Variants in ASAP2 observed in about 807,000 individuals in gnomAD.
ASAP2 encodes the protein ArfGAP with SH3 domain, ankyrin repeat and PH domain 2.
Under a neutral mutation model 131.4 loss-of-function variants are expected in ASAP2, and 45 were observed. The observed-to-expected ratio is 0.34, with a 90% CI of 0.27 to 0.44. The LOEUF (loss-of-function observed/expected upper bound fraction) is 0.44, where lower values mean the gene tolerates loss of function less well. Among genes scored for constraint, ASAP2 ranks in the 20% least tolerant of loss-of-function variants. The pLI is 1.00. For missense variants in ASAP2, 1,011 were observed against 1,297.0 expected, an observed-to-expected ratio of 0.78 and a Z score of 3.39; for synonymous variants, 510 against 503.0, an observed-to-expected ratio of 1.01 and a Z score of -0.19.
intron 1 of ASAP2, among the ~76,000 whole-genome samples, chr2:9,234,105 T>A: frequency 9.8e-6 from 1 of 102,554 alleles, no homozygotes; most frequent in Non-Finnish European, 1.9e-5. Context: ...AGCGAAGCTA[T>A]GTCTCAAAAA....
chr2:9,349,957 C>T lies in ASAP2; in HGVS notation c.1024-851C>T, dbSNP rs147791391. ...AAGAACGATGGAAGTTTAAGACATT[C>T]TTATTTGATCTTTCCTTTAGCAGCT... On this transcript the variant is annotated intron_variant, in intron 11 of 27. Coordinates refer to ENST00000281419, the MANE Select transcript of ASAP2 (RefSeq NM_003887.3). Among the ~76,000 whole-genome samples, 3 of 152,264 alleles carry T rather than the reference C, an allele frequency of 2.0e-5. No homozygotes were observed. The East Asian group carries it at 5.8e-4, about 29-fold the overall frequency.
chr2:9,292,623 C>T (rs955574443), intron 2 of ASAP2, among the ~76,000 whole-genome samples: 1 of 152,216 alleles, frequency 6.6e-6, no homozygotes, highest in South Asian at 2.1e-4. Context: ...TTTCTGTGAT[C>T]TGCTCCTTCT....
chr2:9,393,335 G>T, intron 23 of ASAP2, 147 bp from the exon 24 acceptor site: 2 of 738,444 alleles, frequency 2.7e-6, no homozygotes, highest in Non-Finnish European at 4.1e-6. Flanking sequence ...ATGGTTTTCT[G>T]AAAACTGGCA....
intron 15 of ASAP2, among the ~76,000 whole-genome samples, chr2:9,359,712 T>C (rs963972964): frequency 1.3e-5 from 2 of 152,238 alleles, no homozygotes; most frequent in East Asian, 1.9e-4. Context: ...TTGTGGACCA[T>C]GTTCCTCTCA....
chr2:9,237,443 G>C (rs368558485), intron 1 of ASAP2, among the ~76,000 whole-genome samples: 6 of 128,718 alleles, frequency 4.7e-5, no homozygotes, highest in African/African-American at 1.8e-4. Flanking sequence ...ACAGATTCTT[G>C]CTTTGTTGCC....
intron 22 of ASAP2, 106 bp from the exon 23 acceptor site, chr2:9,390,956 T>G: frequency 6.4e-7 from 1 of 1,562,010 alleles, no homozygotes; most frequent in Non-Finnish European, 8.7e-7. Context: ...TACTGACCGT[T>G]TCATAAGGGG....
chr2:9,388,585 G>T (rs927276457), intron 22 of ASAP2, 39 bp downstream of exon 22: 4 of 1,581,332 alleles, frequency 2.5e-6, no homozygotes, highest in East Asian at 4.5e-5. Context: ...TATATAGAGG[G>T]TCTTGTTTTG....
intron 2 of ASAP2, among the ~76,000 whole-genome samples, chr2:9,296,540 T>C (rs1462542251): frequency 6.6e-6 from 1 of 152,282 alleles, no homozygotes. Flanking sequence ...GGTATGTTTT[T>C]TCTGCTCAAA....
chr2:9,241,817 G>T (rs1206204820), intron 1 of ASAP2, among the ~76,000 whole-genome samples: 1 of 152,186 alleles, frequency 6.6e-6, no homozygotes, highest in African/African-American at 2.4e-5. Flanking sequence ...ATGGCATTTT[G>T]ATCTGGACCT....
chr2:9,256,417 CA>C (rs5829204), intron 1 of ASAP2, among the ~76,000 whole-genome samples: 83,311 of 151,958 alleles, frequency 0.55, 24,043 homozygotes, highest in African/African-American at 0.74. Flanking sequence ...CATGCTGTGC[CA>C]ATGATGATGC....
At chr2:9,310,093 A>G (rs768865431) in intron 3 of ASAP2, among the ~76,000 whole-genome samples, 1 of 152,170 alleles carries the variant, frequency 6.6e-6, no homozygotes, top group Non-Finnish European at 1.5e-5. Context: ...TCTTTCTACA[A>G]CTGCCCACCC....
intron 15 of ASAP2, among the ~76,000 whole-genome samples, chr2:9,362,881 T>C (rs1034113932): frequency 2.0e-5 from 3 of 152,200 alleles, no homozygotes; most frequent in African/African-American, 4.8e-5. Flanking sequence ...TATTATTAAG[T>C]AGAGTCACTG....
chr2:9,269,572 C>T (rs191852029), intron 1 of ASAP2, among the ~76,000 whole-genome samples: 33 of 152,228 alleles, frequency 2.2e-4, no homozygotes, highest in Admixed American at 9.8e-4. Flanking sequence ...GCTGAGCCCA[C>T]GGGGGAACCA....
At chr2:9,215,102 G>C (rs981609900) in intron 1 of ASAP2, among the ~76,000 whole-genome samples, 2 of 152,170 alleles carry the variant, frequency 1.3e-5, no homozygotes, top group Non-Finnish European at 2.9e-5. Flanking sequence ...TATATATTAA[G>C]AGCCTATTGC....
chr2:9,337,402 C>G (rs940612828), intron 9 of ASAP2, among the ~76,000 whole-genome samples: 3 of 152,132 alleles, frequency 2.0e-5, no homozygotes, highest in Admixed American at 6.5e-5. Flanking sequence ...TCTTGTATAC[C>G]TCAAATTTGC....
intron 7 of ASAP2, among the ~76,000 whole-genome samples, chr2:9,333,369 A>G (rs780121255): frequency 5.9e-5 from 9 of 152,242 alleles, no homozygotes; most frequent in Non-Finnish European, 8.8e-5. Context: ...TGAATACATA[A>G]TTGCAGTTAC....
chr2:9,231,016 G>A (rs1015257554), intron 1 of ASAP2, among the ~76,000 whole-genome samples: 2 of 152,168 alleles, frequency 1.3e-5, no homozygotes, highest in Admixed American at 6.5e-5. Context: ...GTTTCTGGCG[G>A]GGAGATGCTG....
intron 2 of ASAP2, among the ~76,000 whole-genome samples, chr2:9,293,872 G>A (rs1358830652): frequency 6.6e-6 from 1 of 152,120 alleles, no homozygotes; most frequent in Non-Finnish European, 1.5e-5. Context: ...TGATTGCAGT[G>A]GATGAAAGCA....
chr2:9,264,424 G>A (rs1018153522), intron 1 of ASAP2, among the ~76,000 whole-genome samples: 2 of 152,060 alleles, frequency 1.3e-5, no homozygotes, highest in East Asian at 3.9e-4. Flanking sequence ...AGTGTGTCCG[G>A]GCCTCTGCTG....
Sources: gnomAD v4.1 joint callset for allele counts (sites outside exome capture counted in the v4.1 genomes callset) on GRCh38, gnomAD v4.1.1 for gene constraint, MANE v1.5 for transcripts, NCBI Gene and HGNC (gene_info 2026-07-23, HGNC 2026-07-21) for gene names.